Variants in PRMT8 observed in about 807,000 individuals in gnomAD.
The protein encoded by PRMT8 is protein arginine methyltransferase 8.
In PRMT8, 7 loss-of-function variants were observed where a neutral mutation model predicts 47.1. The observed-to-expected ratio is 0.15, with a 90% CI of 0.08 to 0.28. The LOEUF (loss-of-function observed/expected upper bound fraction) is 0.28. Among genes scored for constraint, PRMT8 ranks in the 10% least tolerant of loss-of-function variants. The pLI, the probability that PRMT8 is intolerant of heterozygous loss-of-function variation, is 1.00. For synonymous variants in PRMT8, 188 were observed against 186.5 expected (o/e 1.01, Z -0.07); for missense variants, 237 against 505.4 (o/e 0.47, Z 5.09).
At chr12:3,480,704 G>A (rs146511879) in intron 1 of PRMT8, among the ~76,000 whole-genome samples, 3 of 152,094 alleles carry the variant, frequency 2.0e-5, no homozygotes, top group Non-Finnish European at 4.4e-5. Context: ...TATAGTCCAC[G>A]GCATAACTTA....
chr12:3,546,246 T>C (rs893544042), intron 2 of PRMT8, among the ~76,000 whole-genome samples: 5 of 152,072 alleles, frequency 3.3e-5, no homozygotes, highest in Non-Finnish European at 7.4e-5. Flanking sequence ...GGAAAAAAAG[T>C]CATAAAATCA....
rs1866947029 is a variant in PRMT8, at chr12:3,576,505, A to G, written c.713-366A>G. ...TGGGAACGTAGAAGACAGATAAGGG[A>G]GTTCATAGGAGACGCTGCTGGCTTG... is the stretch of plus-strand genomic sequence containing the variant. On this transcript the variant is annotated intron_variant, in intron 6 of 9. Transcript: ENST00000382622. This position sits in a 1 kb window ranked among gnomAD's most constrained non-coding sequence, Gnocchi z 4.0. Among the ~76,000 whole-genome samples the G allele has an allele frequency of 1.3e-5, 2 of 152,116 alleles. No homozygotes were observed. The highest frequency in any genetic ancestry group is 6.5e-5 in the Admixed American group (1 of 15,276).
intron 1 of PRMT8, among the ~76,000 whole-genome samples, chr12:3,407,556 C>T (rs1209276525): frequency 1.3e-5 from 2 of 152,070 alleles, no homozygotes; most frequent in African/African-American, 4.8e-5. Flanking sequence ...TCTCTTTGTC[C>T]TTGACTTTTG....
chr12:3,443,045 AG>A (rs1362967542), intron 1 of PRMT8, among the ~76,000 whole-genome samples: 1 of 152,196 alleles, frequency 6.6e-6, no homozygotes, highest in Non-Finnish European at 1.5e-5. Flanking sequence ...AGTCCCCTAT[AG>A]GTCATTTTTT....
At chr12:3,459,381 G>A (rs1272684675) in intron 1 of PRMT8, among the ~76,000 whole-genome samples, 3 of 152,000 alleles carry the variant, frequency 2.0e-5, no homozygotes, top group African/African-American at 7.3e-5. Context: ...AAAAAGTTCC[G>A]ATTTCCTCGA....
intron 1 of PRMT8, among the ~76,000 whole-genome samples, chr12:3,476,404 C>A (rs1865215461): frequency 6.6e-6 from 1 of 152,124 alleles, no homozygotes; most frequent in Admixed American, 6.5e-5. Flanking sequence ...ATCTGATTTT[C>A]TGCTTGAATT....
chr12:3,482,926 T>C (rs1232567830), intron 1 of PRMT8, among the ~76,000 whole-genome samples: 2 of 152,150 alleles, frequency 1.3e-5, no homozygotes, highest in African/African-American at 4.8e-5. Context: ...TCCAAGATCA[T>C]AGAGTCAGTT....
At chr12:3,432,532 TC>T (rs1424418649) in intron 1 of PRMT8, among the ~76,000 whole-genome samples, 1 of 151,988 alleles carries the variant, frequency 6.6e-6, no homozygotes, top group African/African-American at 2.4e-5. Context: ...TACCTGAGAC[TC>T]CCGAGAGGGA....
At chr12:3,497,472 T>C (rs1477515282) in intron 1 of PRMT8, among the ~76,000 whole-genome samples, 1 of 152,324 alleles carries the variant, frequency 6.6e-6, no homozygotes, top group South Asian at 2.1e-4. Flanking sequence ...GTCACCTTCG[T>C]TTATGTTATT....
At chr12:3,413,639 C>G (rs1864454580) in intron 1 of PRMT8, among the ~76,000 whole-genome samples, 1 of 152,120 alleles carries the variant, frequency 6.6e-6, no homozygotes. Flanking sequence ...CACAATGTTA[C>G]AATGGCTAAA....
At position 3,570,597 on chromosome 12, in the gene PRMT8, A is replaced by G. The variant is rs1866828354; in HGVS notation, c.712+1033A>G. Among the ~76,000 whole-genome samples the G allele has an allele frequency of 6.6e-6, 1 of 152,242 alleles. No homozygotes were observed. Among genetic ancestry groups the G allele is most frequent in the Admixed American group, 6.5e-5 (1 of 15,290 alleles). ...CCTCCAAGAGGCTAAGACTCCATCC[A>G]CAGTTCAACAAATTGTGGCTCTGTG... On this transcript the variant is annotated intron_variant, in intron 6 of 9. Coordinates refer to ENST00000382622, the MANE Select transcript of PRMT8 (RefSeq NM_019854.5). This position sits in a 1 kb window ranked among gnomAD's most constrained non-coding sequence, Gnocchi z 5.5.
upstream of PRMT8, among the ~76,000 whole-genome samples, chr12:3,490,711 G>GAGAGAGAGAGAGAGAGAT (rs1165604333): frequency 7.5e-6 from 1 of 133,230 alleles, no homozygotes. Flanking sequence ...GAGAGAGAGA[G>GAGAGAGAGAGAGAGAGAT]AGAGAGAGAA....
intron 1 of PRMT8, among the ~76,000 whole-genome samples, chr12:3,465,969 C>G (rs967440485): frequency 8.5e-5 from 13 of 152,138 alleles, no homozygotes; most frequent in African/African-American, 2.9e-4. Context: ...CTCTACATAG[C>G]TGAAAGGGGG....
chr12:3,408,182 T>TCCTTCCTC (rs1341167486), intron 1 of PRMT8, among the ~76,000 whole-genome samples: 1 of 151,202 alleles, frequency 6.6e-6, no homozygotes, highest in Admixed American at 6.6e-5. Flanking sequence ...TTTCCTTCCT[T>TCCTTCCTC]CCTTCCTCCC....
Position 3,514,339 on chromosome 12 carries a change from G to A in PRMT8, c.75+22639G>A, listed in dbSNP as rs911989713. Among the ~76,000 whole-genome samples, 6 of 152,010 alleles carry A rather than the reference G, an allele frequency of 3.9e-5. No individual in the cohort carries two copies. Among genetic ancestry groups the A allele is most frequent in the African/African-American group, 1.5e-4 (6 of 41,366 alleles). ...AGAGCCCTGGCTGGGCTGGCACCAGGACCCTCTGGCTCACCTTGTGGGGGA... is the reference window on the plus strand; with the variant it reads ...AGAGCCCTGGCTGGGCTGGCACCAGAACCCTCTGGCTCACCTTGTGGGGGA... On this transcript the variant is annotated intron_variant, in intron 1 of 9. Transcript: ENST00000382622. This position sits in a 1 kb window ranked among gnomAD's most constrained non-coding sequence, Gnocchi z 5.9.
intron 1 of PRMT8, among the ~76,000 whole-genome samples, chr12:3,404,711 G>A (rs912957961): frequency 1.3e-5 from 2 of 152,052 alleles, no homozygotes; most frequent in African/African-American, 2.4e-5. Flanking sequence ...ATTTTATTGG[G>A]TCCATTATCA....
rs1865091980 is a variant in PRMT8, at chr12:3,465,793, C to T, written c.49-74813C>T. 2.0e-5 allele frequency among the ~76,000 whole-genome samples: 3 copies of T among 152,308 alleles called. No homozygotes were observed. In the South Asian group the frequency reaches 6.2e-4, roughly 32 times the overall value. On this transcript the variant is annotated intron_variant, in intron 1 of 9. Coordinates refer to the PRMT8 transcript ENST00000452611. ...GGCATAGCCGTTTTGGCTTGCTGTC[C>T]TGCTAATAGCATTTGCTGCTTCTCA...
chr12:3,435,205 G>A (rs1286689630), intron 1 of PRMT8, among the ~76,000 whole-genome samples: 2 of 152,076 alleles, frequency 1.3e-5, no homozygotes, highest in East Asian at 2.0e-4. Context: ...CTGACCTCAG[G>A]TGATCCGCCC....
In PRMT8 at chr12:3,583,497, A is replaced by G. The variant is rs1393444530; in HGVS notation, c.979+289A>G. On this transcript the variant is annotated intron_variant, in intron 8 of 9. Coordinates refer to ENST00000382622, the MANE Select transcript of PRMT8 (RefSeq NM_019854.5). This position sits in a 1 kb window ranked among gnomAD's most constrained non-coding sequence, Gnocchi z 4.7. ...GGGCCCCAAGCCCTTTCAAAGGCAT[A>G]TTTGTTCAGGTAGCATTTTCTGAGC... Among the ~76,000 whole-genome samples, 1 of 152,142 alleles carries G rather than the reference A, an allele frequency of 6.6e-6. No homozygotes were observed. The highest frequency in any genetic ancestry group is 1.5e-5 in the Non-Finnish European group (1 of 68,016).
Sources: gnomAD v4.1 joint callset for allele counts (sites outside exome capture counted in the v4.1 genomes callset) on GRCh38, gnomAD v4.1.1 for gene constraint, Gnocchi (gnomAD v3.1) non-coding constraint, MANE v1.5 for transcripts, NCBI Gene and HGNC (gene_info 2026-07-23, HGNC 2026-07-21) for gene names.